Variants in ATRNL1 observed in about 807,000 individuals in gnomAD.
The protein encoded by ATRNL1 is attractin-like protein 1.
In ATRNL1, 95 loss-of-function variants were observed where a neutral mutation model predicts 182.7. The observed-to-expected ratio is 0.52, with a 90% CI of 0.44 to 0.62. The LOEUF (loss-of-function observed/expected upper bound fraction) is 0.62, where lower values mean the gene tolerates loss of function less well. Among genes scored for constraint, ATRNL1 ranks in the 20% least tolerant of loss-of-function variants. The pLI, the probability that ATRNL1 is intolerant of heterozygous loss-of-function variation, is 0.00. For synonymous variants in ATRNL1, 576 were observed against 568.3 expected, an observed-to-expected ratio of 1.01 and a Z score of -0.19; for missense variants, 1,471 against 1,679.5, an observed-to-expected ratio of 0.88 and a Z score of 2.17.
intron 8 of ATRNL1, among the ~76,000 whole-genome samples, chr10:115,174,205 T>A (rs555914957): frequency 6.6e-6 from 1 of 151,850 alleles, no homozygotes; most frequent in East Asian, 1.9e-4. Context: ...TGAGGAATTT[T>A]TTTTTTACCC....
At chr10:115,160,273 CTT>C in intron 6 of ATRNL1, 59 bp downstream of exon 6, 6 of 1,286,970 alleles carry the variant, frequency 4.7e-6, no homozygotes, top group East Asian at 2.8e-5. Context: ...TCCAAAATGT[CTT>C]TTTTTTTTAA....
intron 27 of ATRNL1, among the ~76,000 whole-genome samples, chr10:115,817,326 A>G (rs1029122780): frequency 1.3e-5 from 2 of 152,150 alleles, no homozygotes; most frequent in African/African-American, 2.4e-5. Context: ...TTATGAGGTC[A>G]TAATAAACAT....
intron 26 of ATRNL1, among the ~76,000 whole-genome samples, chr10:115,656,938 C>T (rs1555036132): frequency 6.6e-6 from 1 of 152,024 alleles, no homozygotes; most frequent in African/African-American, 2.4e-5. Context: ...ACATTTGTTT[C>T]AATGTTTAAT....
chr10:115,505,835 A>T (rs1300899454), intron 24 of ATRNL1, among the ~76,000 whole-genome samples: 3 of 151,966 alleles, frequency 2.0e-5, no homozygotes, highest in Non-Finnish European at 2.9e-5. Context: ...TCCTTTAAAA[A>T]TTTTTTTAAA....
intron 27 of ATRNL1, 139 bp from the exon 28 acceptor site, chr10:115,847,738 G>A: frequency 1.6e-6 from 1 of 616,176 alleles, no homozygotes; most frequent in South Asian, 1.9e-5. Context: ...TGTGCAAGGA[G>A]CTAGTGTTAA....
chr10:115,206,541 GAACAC>G (rs1848803465), intron 8 of ATRNL1, among the ~76,000 whole-genome samples: 2 of 151,782 alleles, frequency 1.3e-5, no homozygotes, highest in Non-Finnish European at 2.9e-5. Flanking sequence ...AGGTTATAAA[GAACAC>G]AATAAATTGT....
intron 27 of ATRNL1, among the ~76,000 whole-genome samples, chr10:115,734,263 A>C (rs751475195): frequency 1.3e-5 from 2 of 152,136 alleles, no homozygotes; most frequent in Non-Finnish European, 2.9e-5. Flanking sequence ...CTTTCTAGAA[A>C]TGTCGCTGTT....
At chr10:115,241,865 T>C (rs1554902984) in intron 10 of ATRNL1, 140 bp downstream of exon 10, 1 of 707,964 alleles carries the variant, frequency 1.4e-6, no homozygotes, top group African/African-American at 1.8e-5. Context: ...TCTTTCTAAT[T>C]TCAGCACAGT....
At chr10:115,635,484 A>C (rs1858810395) in intron 26 of ATRNL1, among the ~76,000 whole-genome samples, 1 of 152,156 alleles carries the variant, frequency 6.6e-6, no homozygotes, top group African/African-American at 2.4e-5. Flanking sequence ...AAGACAATAC[A>C]AGATTTGAAA....
intron 27 of ATRNL1, among the ~76,000 whole-genome samples, chr10:115,800,038 T>C (rs542925118): frequency 6.6e-6 from 1 of 151,912 alleles, no homozygotes; most frequent in Non-Finnish European, 1.5e-5. Flanking sequence ...CTGACCAACA[T>C]GGAGAAACCC....
chr10:115,478,463 A>G (rs1848627116), intron 24 of ATRNL1, among the ~76,000 whole-genome samples: 2 of 151,724 alleles, frequency 1.3e-5, no homozygotes, highest in South Asian at 4.1e-4. Context: ...TCCCTGCCAC[A>G]TGGCCCTCTC....
At chr10:115,835,177 C>A (rs1200780847) in intron 27 of ATRNL1, among the ~76,000 whole-genome samples, 1 of 152,056 alleles carries the variant, frequency 6.6e-6, no homozygotes, top group Non-Finnish European at 1.5e-5. Flanking sequence ...CTTTTGACAC[C>A]TTACAGAACC....
chr10:115,931,461 C>T (rs1366812793), intron 28 of ATRNL1, among the ~76,000 whole-genome samples: 1 of 152,112 alleles, frequency 6.6e-6, no homozygotes, highest in Non-Finnish European at 1.5e-5. Flanking sequence ...AAGTCAGAGA[C>T]AGCTGGATGG....
intron 21 of ATRNL1, among the ~76,000 whole-genome samples, chr10:115,446,845 G>T (rs1554966789): frequency 3.3e-5 from 5 of 151,748 alleles, no homozygotes; most frequent in Admixed American, 1.3e-4. Context: ...GAAATTAATT[G>T]TGGATCTCCG....
chr10:115,128,388 AT>A, intron 4 of ATRNL1: 2 of 481,460 alleles, frequency 4.2e-6, no homozygotes, highest in Non-Finnish European at 5.4e-6. Context: ...TCTATATATT[AT>A]TTTTTTCTTT....
intron 19 of ATRNL1, among the ~76,000 whole-genome samples, chr10:115,335,822 A>G (rs1554936500): frequency 6.6e-6 from 1 of 151,584 alleles, no homozygotes; most frequent in East Asian, 2.0e-4. Context: ...TAAATTTTAC[A>G]TTTTGGAATT....
At chr10:115,441,620 C>T (rs1422399085) in intron 21 of ATRNL1, among the ~76,000 whole-genome samples, 3 of 151,876 alleles carry the variant, frequency 2.0e-5, no homozygotes, top group African/African-American at 7.2e-5. Context: ...CTTTTCTGAG[C>T]TGCAAACTGA....
chr10:115,248,708 A>G (rs1169265698), intron 10 of ATRNL1, among the ~76,000 whole-genome samples: 3 of 152,132 alleles, frequency 2.0e-5, no homozygotes, highest in African/African-American at 4.8e-5. Flanking sequence ...ACTGAGAATG[A>G]GTTAACCTAG....
At chr10:115,499,131 A>G (rs1417005307) in intron 24 of ATRNL1, among the ~76,000 whole-genome samples, 18 of 152,148 alleles carry the variant, frequency 1.2e-4, no homozygotes, top group African/African-American at 4.3e-4. Context: ...AAATACAGGT[A>G]TCATTATAAT....
Sources: allele counts gnomAD v4.1 joint callset (sites outside exome capture counted in the v4.1 genomes callset), GRCh38; gene constraint gnomAD v4.1.1; transcripts MANE v1.5; gene names NCBI Gene and HGNC (gene_info 2026-07-23, HGNC 2026-07-21).